Variants in ACTR3C observed in about 807,000 individuals in gnomAD.
ACTR3C encodes the protein actin-related protein 3C.
In ACTR3C, 18 loss-of-function variants were observed where a neutral mutation model predicts 26.3. The ratio of observed to expected loss-of-function variants is 0.68; its 90% CI spans 0.47 to 1.01. ACTR3C has a LOEUF of 1.01. Ranked by LOEUF, ACTR3C falls within the 50% of genes least tolerant of loss-of-function variation. The pLI, the probability that ACTR3C is intolerant of heterozygous loss-of-function variation, is 0.00. For missense variants in ACTR3C, 184 were observed against 250.7 expected (o/e 0.73, Z 1.80); for synonymous variants, 55 against 94.5 (o/e 0.58, Z 2.42).
the ACTR3C span, among the ~76,000 whole-genome samples, chr7:150,225,962 G>A: frequency 6.6e-6 from 1 of 152,194 alleles, no homozygotes; most frequent in African/African-American, 2.4e-5. Flanking sequence ...AGTCTTTTCA[G>A]ATGGGCTTCC....
intron 7 of ACTR3C, 55 bp downstream of exon 7, chr7:150,248,893 A>G: frequency 4.2e-6 from 2 of 470,786 alleles, no homozygotes; most frequent in Non-Finnish European, 7.6e-6. Context: ...TGAAAAAAAT[A>G]GAAAATTTCA....
chr7:150,263,202 C>T (rs972294613), intron 6 of ACTR3C, among the ~76,000 whole-genome samples: 4 of 151,482 alleles, frequency 2.6e-5, no homozygotes, highest in African/African-American at 9.7e-5. Context: ...CATATATTCA[C>T]CTATACAATT....
At chr7:150,133,175 C>T in the ACTR3C span, among the ~76,000 whole-genome samples, 1 of 152,086 alleles carries the variant, frequency 6.6e-6, no homozygotes, top group Non-Finnish European at 1.5e-5. Context: ...AACAGGAAAT[C>T]AGAGAGAGAC....
At chr7:150,037,720 C>T in the ACTR3C span, among the ~76,000 whole-genome samples, 2 of 87,766 alleles carry the variant, frequency 2.3e-5, no homozygotes, top group Non-Finnish European at 2.4e-5. Context: ...GGTCCTAAGC[C>T]AGGGGGGAAG....
intron 1 of ACTR3C, among the ~76,000 whole-genome samples, chr7:150,309,744 C>A (rs978921284): frequency 1.3e-5 from 2 of 152,202 alleles, no homozygotes; most frequent in African/African-American, 2.4e-5. Context: ...AATATCACAG[C>A]CACTTCTAGG....
the ACTR3C span, among the ~76,000 whole-genome samples, chr7:150,182,492 C>A: frequency 6.6e-6 from 1 of 150,488 alleles, no homozygotes; most frequent in Non-Finnish European, 1.5e-5. Context: ...GTCTGTTGCC[C>A]GTAAAATTCA....
chr7:150,177,585 A>G, the ACTR3C span, among the ~76,000 whole-genome samples: 1 of 150,878 alleles, frequency 6.6e-6, no homozygotes, highest in Non-Finnish European at 1.5e-5. Context: ...CTAAGATGTG[A>G]TATCTCTGTT....
At chr7:149,949,508 T>C in the ACTR3C span, among the ~76,000 whole-genome samples, 152 of 142,082 alleles carry the variant, frequency 1.1e-3, no homozygotes, top group African/African-American at 3.7e-3. Flanking sequence ...ATAGATTCCA[T>C]TGAGACTTTT....
chr7:150,058,984 T>C, the ACTR3C span, among the ~76,000 whole-genome samples: 1 of 152,160 alleles, frequency 6.6e-6, no homozygotes, highest in African/African-American at 2.4e-5. Context: ...GATGCACACC[T>C]TGAGCCCTGA....
the ACTR3C span, among the ~76,000 whole-genome samples, chr7:149,985,900 T>G: frequency 1.8e-4 from 28 of 152,346 alleles, no homozygotes; most frequent in East Asian, 5.4e-3. Flanking sequence ...TGGTTTGTCC[T>G]GCCTCACATG....
the ACTR3C span, among the ~76,000 whole-genome samples, chr7:150,193,516 T>C: frequency 6.6e-6 from 1 of 151,652 alleles, no homozygotes; most frequent in Non-Finnish European, 1.5e-5. Flanking sequence ...CTTAGATCAT[T>C]GATTTAAGAT....
In ACTR3C at chr7:150,274,321, C is replaced by T. The variant is rs1204928644; in HGVS notation, c.564+10432G>A. Among the ~76,000 whole-genome samples, 2 of 152,148 alleles carry T rather than the reference C, an allele frequency of 1.3e-5. No homozygotes were observed. The highest frequency in any genetic ancestry group is 1.9e-4 in the East Asian group (1 of 5,202). On this transcript the variant is annotated intron_variant, in intron 6 of 7. Coordinates refer to ENST00000683684, the MANE Select transcript of ACTR3C (RefSeq NM_001164458.2). This position sits in a 1 kb window ranked among gnomAD's most constrained non-coding sequence, Gnocchi z 4.1. ...TTTTCCCAAAAGCACACGCTCACTT[C>T]GTGTCTCTGTATCAGCATATTTTAG...
the ACTR3C span, chr7:149,881,964 G>T: frequency 0.011 from 1,673 of 152,424 alleles, 33 homozygotes; most frequent in African/African-American, 0.039. Context: ...GTGGGCAGGT[G>T]GGGGGTGAGA....
At chr7:150,280,980 A>C (rs1368873698) in intron 6 of ACTR3C, among the ~76,000 whole-genome samples, 1 of 152,224 alleles carries the variant, frequency 6.6e-6, no homozygotes, top group Non-Finnish European at 1.5e-5. Flanking sequence ...TGGCAGAGGG[A>C]GAGAGACGAC....
the ACTR3C span, among the ~76,000 whole-genome samples, chr7:149,963,931 G>A: frequency 6.6e-6 from 1 of 152,148 alleles, no homozygotes; most frequent in African/African-American, 2.4e-5. Flanking sequence ...AGACATGCAT[G>A]AATCCAACGG....
chr7:149,979,394 T>C, the ACTR3C span, among the ~76,000 whole-genome samples: 1 of 152,140 alleles, frequency 6.6e-6, no homozygotes, highest in Non-Finnish European at 1.5e-5. Flanking sequence ...GCTACTCTAG[T>C]CCAAAACGTG....
chr7:150,017,702 C>T, the ACTR3C span, among the ~76,000 whole-genome samples: 6 of 149,496 alleles, frequency 4.0e-5, no homozygotes, highest in Non-Finnish European at 7.4e-5. Flanking sequence ...CCCTGGCCCA[C>T]CAGTCTGTTT....
chr7:150,293,368 T>G lies in ACTR3C; in HGVS notation c.97A>C (p.Thr33Pro), dbSNP rs1836443445. 2 of 1,608,500 alleles carry G rather than the reference T, an allele frequency of 1.2e-6. No individual in the cohort carries two copies. Among genetic ancestry groups the G allele is most frequent in the Non-Finnish European group, 1.7e-6 (2 of 1,177,104 alleles). The change falls in exon 3 of 8, where the codon ACA becomes CCA. Residue 33 changes from threonine (T) to proline (P), a missense_variant. Transcript: ENST00000683684. ...CTGTCAATGACTATCCCCGTTAATG[T>G]ACGTTCACCCACTTGTCGAGATGTC... ...SWTSRQVGER[T>P]LTGIVIDSGD...
chr7:150,039,143 C>T, the ACTR3C span, among the ~76,000 whole-genome samples: 1 of 149,908 alleles, frequency 6.7e-6, no homozygotes, highest in Non-Finnish European at 1.5e-5. Flanking sequence ...ATCGGGGGTC[C>T]TAAGCCGGTG....
Sources: gnomAD v4.1 joint callset for allele counts (sites outside exome capture counted in the v4.1 genomes callset) on GRCh38, gnomAD v4.1.1 for gene constraint, Gnocchi (gnomAD v3.1) non-coding constraint, MANE v1.5 for transcripts, NCBI Gene and HGNC (gene_info 2026-07-23, HGNC 2026-07-21) for gene names.